The following LEMD3 variants were observed in gnomAD, a reference collection of about 807,000 sequenced individuals.
The protein encoded by LEMD3 is inner nuclear membrane protein Man1.
Under a neutral mutation model 95.2 loss-of-function variants are expected in LEMD3, and 33 were observed. That is an observed-to-expected ratio of 0.35 (90% CI 0.26 to 0.46). The LOEUF (loss-of-function observed/expected upper bound fraction) is 0.46, where lower values mean the gene tolerates loss of function less well. LEMD3 is among the 20% of genes least tolerant of loss of function. The pLI is 1.00. For synonymous variants in LEMD3, 525 were observed against 474.6 expected (o/e 1.11, Z -1.38); for missense variants, 1,210 against 1,192.8 (o/e 1.01, Z -0.21).
At chr12:65,238,473 T>C (rs763479026) in intron 4 of LEMD3, 29 bp from the exon 5 acceptor site, 2 of 1,352,114 alleles carry the variant, frequency 1.5e-6, no homozygotes, top group Non-Finnish European at 2.1e-6. Context: ...AGATTAAGAA[T>C]AGTTATTTTT....
chr12:65,183,888 A>G (rs868601027), intron 1 of LEMD3, among the ~76,000 whole-genome samples: 2 of 152,140 alleles, frequency 1.3e-5, no homozygotes, highest in Non-Finnish European at 2.9e-5. Flanking sequence ...CTCATTTCCC[A>G]TTCATTAAAC....
At position 65,247,725 on chromosome 12, in the gene LEMD3, G is replaced by A. The variant is rs1340101294; in HGVS notation, c.*1400G>A. ...CTTTTTGTTTTATTGTATGCGTTGGGTTTGCAGCATGAACTTGCACAGATA... is the reference window on the plus strand; with the variant it reads ...CTTTTTGTTTTATTGTATGCGTTGGATTTGCAGCATGAACTTGCACAGATA... On this transcript the variant is annotated 3_prime_UTR_variant, in exon 13 of 13. Transcript: ENST00000308330. 2 of 152,484 alleles carry A rather than the reference G, an allele frequency of 1.3e-5. No homozygotes were observed. Among genetic ancestry groups the A allele is most frequent in the Non-Finnish European group, 2.9e-5 (2 of 67,994 alleles). The allele number at this position is 152,484 out of a possible 1,614,324, so 9.4% of individuals were successfully genotyped here.
chr12:65,237,952 G>A (rs1301461495), intron 4 of LEMD3, among the ~76,000 whole-genome samples: 1 of 152,004 alleles, frequency 6.6e-6, no homozygotes, highest in Admixed American at 6.6e-5. Context: ...TCTTATGATG[G>A]CACTGATAAA....
In LEMD3 at chr12:65,245,897, G is replaced by T; in HGVS notation, c.2530G>T (p.Ala844Ser). ...TGTTAAATGTCTGTCTCCAGAATATGCTGGAAAGGCTTTTAAAGCATTGCA... is the reference window on the plus strand; with the variant it reads ...TGTTAAATGTCTGTCTCCAGAATATTCTGGAAAGGCTTTTAAAGCATTGCA... ...VYVKCLSPEY[A>S]GKAFKALHGS... The change falls in exon 12 of 13, where the codon GCT becomes TCT. Residue 844 changes from alanine to serine, a missense_variant. Ala to Ser is a moderately conservative substitution (Grantham distance 99). This residue lies in a region of LEMD3 where 461 missense variants were observed against 569.8 expected (regional missense o/e 0.81). Coordinates refer to ENST00000308330, the MANE Select transcript of LEMD3 (RefSeq NM_014319.5). 1 of 1,612,984 alleles carries T rather than the reference G, an allele frequency of 6.2e-7. No individual in the cohort carries two copies. Among genetic ancestry groups the T allele is most frequent in the Non-Finnish European group, 8.5e-7 (1 of 1,179,336 alleles).
chr12:65,225,639 G>A (rs1206937301), intron 4 of LEMD3, among the ~76,000 whole-genome samples: 2 of 152,126 alleles, frequency 1.3e-5, no homozygotes, highest in Non-Finnish European at 2.9e-5. Context: ...GGAGTGCAGT[G>A]GCACGATCTC....
chr12:65,170,594 A>T lies in LEMD3; in HGVS notation c.998A>T (p.Asn333Ile). ...GCCGGGAGTCTAGACAGGAGCCGAA[A>T]CCTCGAAGAGGCGGCGGCCGCGGAG... ...AAAGSLDRSR[N>I]LEEAAAAEQG... Residue 333 changes from asparagine to isoleucine, a missense_variant, in exon 1 of 13, where the codon AAC becomes ATC. Asn to Ile is a moderately radical substitution (Grantham distance 149). This residue lies in a region of LEMD3 where 749 missense variants were observed against 622.9 expected (regional missense o/e 1.20). Transcript: ENST00000308330. 1 of 1,613,976 alleles carries T rather than the reference A, an allele frequency of 6.2e-7. No individual in the cohort carries two copies. The highest frequency in any genetic ancestry group is 1.1e-5 in the South Asian group (1 of 91,070).
At chr12:65,191,682 C>A (rs1869243572) in intron 1 of LEMD3, among the ~76,000 whole-genome samples, 1 of 151,998 alleles carries the variant, frequency 6.6e-6, no homozygotes. Context: ...CCTGTAATCC[C>A]AGCATTTTGG....
At chr12:65,191,304 A>G (rs1331497675) in intron 1 of LEMD3, among the ~76,000 whole-genome samples, 1 of 152,126 alleles carries the variant, frequency 6.6e-6, no homozygotes, top group East Asian at 1.9e-4. Flanking sequence ...AATGGCTATG[A>G]TAAGAATTTA....
chr12:65,191,866 AG>A (rs1186428604), intron 1 of LEMD3, among the ~76,000 whole-genome samples: 1 of 141,410 alleles, frequency 7.1e-6, no homozygotes, highest in Non-Finnish European at 1.5e-5. Flanking sequence ...TGGAGGTTGT[AG>A]TGAACCGAAA....
In LEMD3 at chr12:65,188,033, G is replaced by T. The variant is rs543757511; in HGVS notation, c.1522+16915G>T. ...GGATCAATCTTACTGACTTGGTCCA[G>T]AAAACTGTTTTCTGGCAGATTCAAA... On this transcript the variant is annotated intron_variant, in intron 1 of 12. Transcript: ENST00000308330. Among the ~76,000 whole-genome samples, 24 of 152,212 alleles carry T rather than the reference G, an allele frequency of 1.6e-4. No individual in the cohort carries two copies. In the South Asian group the frequency reaches 4.8e-3, roughly 30 times the overall value.
At position 65,169,974 on chromosome 12, in the gene LEMD3, C is replaced by G; in HGVS notation, c.378C>G (p.Ser126=). ...TCCTGGGAGGGCCCGGGGGCGCCTCCGCCGCCCCCGCGGCTGGCAGCAAAG... is the reference window on the plus strand; with the variant it reads ...TCCTGGGAGGGCCCGGGGGCGCCTCGGCCGCCCCCGCGGCTGGCAGCAAAG... ...ESLLGGPGGA[S]AAPAAGSKVL... The change falls in exon 1 of 13, where the codon TCC becomes TCG. Residue 126 remains serine (S), a synonymous_variant. Coordinates refer to ENST00000308330, the MANE Select transcript of LEMD3 (RefSeq NM_014319.5). The G allele has an allele frequency of 6.8e-7, 1 of 1,464,356 alleles. No individual in the cohort carries two copies. The highest frequency in any genetic ancestry group is 8.9e-7 in the Non-Finnish European group (1 of 1,119,156). 90.7% of individuals were successfully genotyped at this position (1,464,356 alleles called of 1,614,324 possible).
chr12:65,230,530 T>G (rs1018760020), intron 4 of LEMD3, among the ~76,000 whole-genome samples: 1 of 152,156 alleles, frequency 6.6e-6, no homozygotes, highest in Admixed American at 6.5e-5. Context: ...GTAGCTATTG[T>G]AAGTAGAACT....
chr12:65,176,613 A>G (rs569099966), intron 1 of LEMD3, among the ~76,000 whole-genome samples: 1 of 152,336 alleles, frequency 6.6e-6, no homozygotes, highest in Non-Finnish European at 1.5e-5. Context: ...ATATTTCTAT[A>G]GGAGTAGAAT....
Position 65,169,837 on chromosome 12 carries a change from CCAGCGG to C in LEMD3, c.243_248del (p.Ala86_Ala87del). 6.8e-7 allele frequency: 1 copy of C among 1,464,752 alleles called. No homozygotes were observed. The highest frequency in any genetic ancestry group is 9.0e-7 in the Non-Finnish European group (1 of 1,105,006). The allele number at this position is 1,464,752 out of a possible 1,614,324, so 90.7% of individuals were successfully genotyped here. A position where few individuals can be genotyped will look rare whatever the true frequency, so the allele number is the denominator to read the frequency against. On this transcript the variant is annotated inframe_deletion, in exon 1 of 13. Transcript: ENST00000308330. ...AGCCGCCACGGTCGCAGCCGCGGGA[CCAGCGG>C]CGGCGGCGGCCGCGGGGATGGGGGT...
At chr12:65,179,972 T>A (rs1259805522) in intron 1 of LEMD3, among the ~76,000 whole-genome samples, 9 of 152,092 alleles carry the variant, frequency 5.9e-5, no homozygotes, top group Non-Finnish European at 4.4e-5. Flanking sequence ...GGAGACAGGA[T>A]CTTGTTCTCT....
intron 4 of LEMD3, among the ~76,000 whole-genome samples, chr12:65,223,034 T>A (rs777367472): frequency 2.0e-5 from 3 of 152,148 alleles, no homozygotes; most frequent in Non-Finnish European, 4.4e-5. Flanking sequence ...TTTAATGTGT[T>A]AAGATTTTTG....
chr12:65,245,452 C>CT (rs1233346077), intron 10 of LEMD3: 6 of 530,590 alleles, frequency 1.1e-5, no homozygotes, highest in African/African-American at 1.9e-5. Flanking sequence ...GCTCTGCACT[C>CT]TTTTACTGGA....
At position 65,246,083 on chromosome 12, in the gene LEMD3, A is replaced by G. The variant is rs943892423; in HGVS notation, c.2573-79A>G. 2.0e-5 allele frequency: 26 copies of G among 1,293,086 alleles called. No homozygotes were observed. The African/African-American group carries it at 3.1e-4, about 15-fold the overall frequency. 80.1% of individuals were successfully genotyped at this position (1,293,086 alleles called of 1,614,324 possible). On this transcript the variant is annotated intron_variant, in intron 12 of 12. Transcript: ENST00000308330. ...GACTTTATTTATGTTTTGTGCTCAT[A>G]TGTCTTTTACCACAGTTAATTTTCT...
At chr12:65,217,075 A>G (rs573877899) in intron 3 of LEMD3, among the ~76,000 whole-genome samples, 2 of 152,310 alleles carry the variant, frequency 1.3e-5, no homozygotes, top group South Asian at 2.1e-4. Context: ...TTTATCAAGT[A>G]TGGTTCATGG....
Sources: allele counts gnomAD v4.1 joint callset (sites outside exome capture counted in the v4.1 genomes callset), GRCh38; gene constraint gnomAD v4.1.1; regional missense constraint gnomAD v4.1.1; transcripts MANE v1.5; gene names NCBI Gene and HGNC (gene_info 2026-07-23, HGNC 2026-07-21).